The following CENPP variants were observed in gnomAD, a reference collection of about 807,000 sequenced individuals.
The protein encoded by CENPP is centromere protein P.
Under a neutral mutation model 35.6 loss-of-function variants are expected in CENPP, and 24 were observed. The ratio of observed to expected loss-of-function variants is 0.67; its 90% CI spans 0.49 to 0.95. The LOEUF (loss-of-function observed/expected upper bound fraction) is 0.95, where lower values mean the gene tolerates loss of function less well. CENPP is among the 40% of genes least tolerant of loss of function. CENPP has a pLI of 0.00. For missense variants in CENPP, 332 were observed against 345.3 expected, an observed-to-expected ratio of 0.96 and a Z score of 0.31; for synonymous variants, 120 against 125.5, an observed-to-expected ratio of 0.96 and a Z score of 0.29.
intron 5 of CENPP, among the ~76,000 whole-genome samples, chr9:92,449,302 G>A (rs531173215): frequency 9.6e-4 from 145 of 151,750 alleles, no homozygotes; most frequent in Admixed American, 4.5e-3. Context: ...TTAGCCGGGC[G>A]TGGTGGCGGG....
chr9:92,557,367 C>G (rs1294160805), intron 5 of CENPP, among the ~76,000 whole-genome samples: 1 of 152,184 alleles, frequency 6.6e-6, no homozygotes, highest in Non-Finnish European at 1.5e-5. Flanking sequence ...ATGTCTGGCT[C>G]TCTAGCTAGG....
At chr9:92,548,459 T>C (rs2131322112) in intron 5 of CENPP, among the ~76,000 whole-genome samples, 1 of 152,354 alleles carries the variant, frequency 6.6e-6, no homozygotes, top group East Asian at 1.9e-4. Flanking sequence ...TTAAAGATTT[T>C]ATTACTGCAT....
intron 4 of CENPP, among the ~76,000 whole-genome samples, chr9:92,354,289 CTAGCTGA>C (rs1243460671): frequency 6.6e-6 from 1 of 152,218 alleles, no homozygotes; most frequent in Non-Finnish European, 1.5e-5. Flanking sequence ...CACCAGGTAG[CTAGCTGA>C]TCACCCCAAG....
intron 5 of CENPP, among the ~76,000 whole-genome samples, chr9:92,575,696 C>A (rs2131360269): frequency 6.6e-6 from 1 of 152,164 alleles, no homozygotes. Flanking sequence ...CCTGTAATCC[C>A]AGCTACTTGT....
At chr9:92,493,346 T>C (rs1304191132) in intron 5 of CENPP, among the ~76,000 whole-genome samples, 2 of 152,226 alleles carry the variant, frequency 1.3e-5, no homozygotes, top group East Asian at 3.8e-4. Flanking sequence ...AGAAGTAAAA[T>C]GACTGCATAA....
At chr9:92,448,538 G>A (rs560263982) in intron 5 of CENPP, among the ~76,000 whole-genome samples, 11 of 152,104 alleles carry the variant, frequency 7.2e-5, no homozygotes, top group African/African-American at 2.4e-4. Context: ...TGGAGAAGTG[G>A]TCAGGGAGGC....
chr9:92,514,306 G>A (rs1292435451), intron 5 of CENPP, among the ~76,000 whole-genome samples: 3 of 143,474 alleles, frequency 2.1e-5, no homozygotes, highest in Non-Finnish European at 3.0e-5. Flanking sequence ...ATGGAGTCTC[G>A]CTCAAGTGCC....
chr9:92,408,185 T>C (rs186839315), intron 5 of CENPP, among the ~76,000 whole-genome samples: 1 of 152,192 alleles, frequency 6.6e-6, no homozygotes, highest in Admixed American at 6.5e-5. Context: ...GTTCTAGTTT[T>C]TGTTTGTTTG....
chr9:92,480,892 A>AG (rs11462797), intron 5 of CENPP, among the ~76,000 whole-genome samples: 61,084 of 152,040 alleles, frequency 0.4, 14,283 homozygotes, highest in African/African-American at 0.64. Flanking sequence ...TAAAAGTCCA[A>AG]CATGCATTTG....
rs1451407537 is a variant in CENPP at position 92,326,007 on chromosome 9, A to G, written c.9A>G (p.Ala3=). 1.3e-6 allele frequency: 2 copies of G among 1,551,888 alleles called. No homozygotes were observed. The highest frequency in any genetic ancestry group is 1.7e-4 in the Middle Eastern group (1 of 5,982). MD[A]ELAEVRALQA... is the part of the protein sequence containing the mutation. ...GCGGTCAGCAACGCGCCATGGACGC[A>G]GAGCTGGCAGAGGTGCGCGCCTTGC... Residue 3 remains alanine, a synonymous_variant, in exon 1 of 8, where the codon GCA becomes GCG. Coordinates refer to ENST00000375587, the MANE Select transcript of CENPP (RefSeq NM_001012267.3).
At chr9:92,522,613 C>T (rs1848147472) in intron 5 of CENPP, 1 of 1,613,526 alleles carries the variant, frequency 6.2e-7, no homozygotes, top group Non-Finnish European at 8.5e-7. Context: ...TCCAGGAAAA[C>T]TTGAAAAGGA....
At chr9:92,569,744 T>C (rs1315628324) in intron 5 of CENPP, among the ~76,000 whole-genome samples, 2 of 152,130 alleles carry the variant, frequency 1.3e-5, no homozygotes, top group Non-Finnish European at 2.9e-5. Context: ...TTTGTGTCCC[T>C]TTTTATTTCG....
At chr9:92,330,893 T>C (rs541478074) in intron 1 of CENPP, among the ~76,000 whole-genome samples, 6 of 152,208 alleles carry the variant, frequency 3.9e-5, no homozygotes, top group African/African-American at 1.4e-4. Flanking sequence ...TTTCACCATA[T>C]TGGCCAGGCT....
At chr9:92,354,655 T>A (rs1304450521) in intron 4 of CENPP, among the ~76,000 whole-genome samples, 5 of 152,212 alleles carry the variant, frequency 3.3e-5, no homozygotes, top group East Asian at 1.9e-4. Flanking sequence ...CCACCACACA[T>A]GTCCTTGCAA....
chr9:92,370,879 A>G (rs1270059835), intron 4 of CENPP, among the ~76,000 whole-genome samples: 1 of 152,028 alleles, frequency 6.6e-6, no homozygotes, highest in African/African-American at 2.4e-5. Context: ...CATTTCCTCT[A>G]GGTTTTACAG....
chr9:92,586,958 A>C (rs1399182449), intron 5 of CENPP, among the ~76,000 whole-genome samples: 1 of 134,336 alleles, frequency 7.4e-6, no homozygotes, highest in East Asian at 2.4e-4. Flanking sequence ...AGAAAAAGAC[A>C]GGGCATAGAA....
At chr9:92,364,062 C>G (rs1330833340) in intron 4 of CENPP, among the ~76,000 whole-genome samples, 1 of 152,084 alleles carries the variant, frequency 6.6e-6, no homozygotes, top group Non-Finnish European at 1.5e-5. Flanking sequence ...GTTGCCCAGG[C>G]TGGTCTTGAA....
chr9:92,617,182 T>A lies in CENPP; in HGVS notation c.*4033T>A, dbSNP rs1198616944. The stretch of plus-strand genomic sequence containing the variant: ...GAAGCTGGAGTGTGCCTGCAGCTCA[T>A]CCCAAGGGGCCACATTTTATTGGGA... On this transcript the variant is annotated 3_prime_UTR_variant, in exon 8 of 8. Coordinates refer to ENST00000375587, the MANE Select transcript of CENPP (RefSeq NM_001012267.3). 1 of 152,174 alleles carries A rather than the reference T, an allele frequency of 6.6e-6. No homozygotes were observed. Among genetic ancestry groups the A allele is most frequent in the East Asian group, 1.9e-4 (1 of 5,186 alleles). 9.4% of individuals were successfully genotyped at this position (152,174 alleles called of 1,614,324 possible).
At chr9:92,355,892 T>G (rs1371351916) in intron 4 of CENPP, among the ~76,000 whole-genome samples, 9 of 152,230 alleles carry the variant, frequency 5.9e-5, no homozygotes, top group African/African-American at 2.2e-4. Flanking sequence ...AGGGGTAGAA[T>G]AGACACTTTA....
Sources: gnomAD v4.1 joint callset for allele counts (sites outside exome capture counted in the v4.1 genomes callset) on GRCh38, gnomAD v4.1.1 for gene constraint, MANE v1.5 for transcripts, NCBI Gene and HGNC (gene_info 2026-07-23, HGNC 2026-07-21) for gene names.